Variants in GNB4 observed in about 807,000 individuals in gnomAD.
GNB4 encodes guanine nucleotide-binding protein subunit beta-4.
GNB4 carries 28 observed loss-of-function variants against 45.2 expected under a neutral mutation model. That is an observed-to-expected ratio of 0.62 (90% CI 0.46 to 0.85). The LOEUF (loss-of-function observed/expected upper bound fraction) is 0.85, where lower values mean the gene tolerates loss of function less well. Among genes scored for constraint, GNB4 ranks in the 40% least tolerant of loss-of-function variants. GNB4 has a pLI of 0.00. For synonymous variants in GNB4, 132 were observed against 143.7 expected (o/e 0.92, Z 0.58); for missense variants, 321 against 425.4 (o/e 0.75, Z 2.16).
the GNB4 span, among the ~76,000 whole-genome samples, chr3:179,487,778 C>T: frequency 6.6e-6 from 1 of 152,098 alleles, no homozygotes. Flanking sequence ...TGGCCAGGTG[C>T]GTTGGCTCAC....
the GNB4 span, among the ~76,000 whole-genome samples, chr3:179,475,128 TA>T: frequency 6.6e-6 from 1 of 151,428 alleles, no homozygotes; most frequent in Non-Finnish European, 1.5e-5. Flanking sequence ...ATTATTTATT[TA>T]TTTTTTTGGA....
chr3:179,416,459 A>G (rs1250480982), intron 5 of GNB4, 34 bp downstream of exon 5: 1 of 1,265,012 alleles, frequency 7.9e-7, no homozygotes, highest in African/African-American at 1.5e-5. Context: ...AAACAAATAT[A>G]AGGTTATTTA....
chr3:179,461,262 T>C, the GNB4 span, among the ~76,000 whole-genome samples: 36 of 151,840 alleles, frequency 2.4e-4, no homozygotes, highest in Admixed American at 5.3e-4. Flanking sequence ...TTTTGGGAGG[T>C]AGAGGCAGGC....
the GNB4 span, among the ~76,000 whole-genome samples, chr3:179,502,340 T>C: frequency 6.6e-6 from 1 of 150,968 alleles, no homozygotes; most frequent in Admixed American, 6.6e-5. Flanking sequence ...TTCAAGCGAT[T>C]CTCCTGCCTC....
chr3:179,402,394 A>C (rs1471780080), intron 9 of GNB4, among the ~76,000 whole-genome samples: 1 of 152,208 alleles, frequency 6.6e-6, no homozygotes, highest in Non-Finnish European at 1.5e-5. Context: ...CAAAACACCA[A>C]ATATCTTTAA....
Position 179,398,142 on chromosome 3 carries a change from C to CTACTCT in GNB4, c.*3065_*3070dup, listed in dbSNP as rs1436356219. On this transcript the variant is annotated 3_prime_UTR_variant, in exon 10 of 10. Coordinates refer to ENST00000232564, the MANE Select transcript of GNB4 (RefSeq NM_021629.4). ...AATATTCTTGCCAGATCTCAAAAAA[C>CTACTCT]TACTCTTCTTGACATGCTACAGAGT... The CTACTCT allele has an allele frequency of 1.3e-5, 2 of 152,162 alleles. No individual in the cohort carries two copies. The highest frequency in any genetic ancestry group is 4.8e-5 in the African/African-American group (2 of 41,430). 9.4% of individuals were successfully genotyped at this position (152,162 alleles called of 1,614,324 possible). A position where few individuals can be genotyped will look rare whatever the true frequency, so the allele number is the denominator to read the frequency against.
chr3:179,448,401 T>C (rs1020115939), intron 1 of GNB4, among the ~76,000 whole-genome samples: 10 of 152,122 alleles, frequency 6.6e-5, no homozygotes, highest in South Asian at 2.1e-4. Context: ...ATACAAATAA[T>C]AGCCTACTAC....
intron 1 of GNB4, among the ~76,000 whole-genome samples, chr3:179,450,232 T>C (rs941441099): frequency 1.3e-5 from 2 of 152,170 alleles, no homozygotes; most frequent in African/African-American, 4.8e-5. Context: ...GGATCAGTAG[T>C]AAACCAAAAG....
the GNB4 span, among the ~76,000 whole-genome samples, chr3:179,456,779 G>T: frequency 6.6e-6 from 1 of 151,864 alleles, no homozygotes; most frequent in Non-Finnish European, 1.5e-5. Context: ...TGACCCTAGA[G>T]TTCTGTCTTT....
At chr3:179,453,473 T>C (rs1715934533), upstream of GNB4, among the ~76,000 whole-genome samples, 1 of 152,196 alleles carries the variant, frequency 6.6e-6, no homozygotes, top group South Asian at 2.1e-4. Flanking sequence ...CACTAGCATT[T>C]ACCAGATGTT....
intron 1 of GNB4, among the ~76,000 whole-genome samples, chr3:179,440,709 A>G (rs1447931084): frequency 6.6e-6 from 1 of 152,228 alleles, no homozygotes. Context: ...TGCAGAATCT[A>G]AACAGGGATG....
At chr3:179,513,573 T>A in the GNB4 span, among the ~76,000 whole-genome samples, 2 of 152,150 alleles carry the variant, frequency 1.3e-5, no homozygotes, top group Admixed American at 1.3e-4. Flanking sequence ...TTATAATTAT[T>A]TTTTAGGATG....
chr3:179,411,104 T>C (rs187022687), intron 8 of GNB4, among the ~76,000 whole-genome samples: 3 of 152,116 alleles, frequency 2.0e-5, no homozygotes, highest in Non-Finnish European at 4.4e-5. Context: ...GTTAATGAAA[T>C]TAATAATCAC....
At chr3:179,504,226 T>C in the GNB4 span, among the ~76,000 whole-genome samples, 1 of 152,208 alleles carries the variant, frequency 6.6e-6, no homozygotes, top group East Asian at 1.9e-4. Context: ...AGGTAAAGTT[T>C]TATAAAAATA....
chr3:179,465,033 T>C, the GNB4 span: 1 of 1,507,278 alleles, frequency 6.6e-7, no homozygotes, highest in Non-Finnish European at 9.2e-7. Context: ...ACTGTTACAA[T>C]ATCTTATCGA....
chr3:179,471,839 A>G, the GNB4 span, among the ~76,000 whole-genome samples: 2 of 152,336 alleles, frequency 1.3e-5, no homozygotes, highest in East Asian at 3.9e-4. Context: ...TAAATTTTAA[A>G]TAAAGTAGAT....
chr3:179,415,106 C>A, intron 5 of GNB4, 59 bp from the exon 6 acceptor site: 2 of 1,308,010 alleles, frequency 1.5e-6, no homozygotes, highest in Non-Finnish European at 2.1e-6. Context: ...ATTGCATAAA[C>A]CCATTTACAA....
intron 1 of GNB4, among the ~76,000 whole-genome samples, chr3:179,448,433 T>C (rs1448737251): frequency 6.6e-6 from 1 of 152,114 alleles, no homozygotes; most frequent in Non-Finnish European, 1.5e-5. Context: ...GATTATTTTT[T>C]CAGTTCTTTA....
chr3:179,491,813 C>T, the GNB4 span, among the ~76,000 whole-genome samples: 1 of 152,180 alleles, frequency 6.6e-6, no homozygotes, highest in Non-Finnish European at 1.5e-5. Flanking sequence ...GTTACATCAC[C>T]ATTCCTAACT....
Sources: gnomAD v4.1 joint callset for allele counts (sites outside exome capture counted in the v4.1 genomes callset) on GRCh38, gnomAD v4.1.1 for gene constraint, MANE v1.5 for transcripts, NCBI Gene and HGNC (gene_info 2026-07-23, HGNC 2026-07-21) for gene names.